Variants in GABRG3 observed in about 807,000 individuals in gnomAD.
GABRG3 encodes gamma-aminobutyric acid type A receptor subunit gamma3, also known as gamma-aminobutyric acid receptor subunit gamma-3.
A neutral mutation model predicts 48.8 loss-of-function variants in GABRG3; 25 were observed. The ratio of observed to expected loss-of-function variants is 0.51; its 90% CI spans 0.37 to 0.72. GABRG3 has a LOEUF of 0.72. Ranked by LOEUF, GABRG3 falls within the 30% of genes least tolerant of loss-of-function variation. The probability of loss-of-function intolerance (pLI) is 0.00; values close to 1 mark genes in which losing one functional copy is unlikely to be tolerated. For synonymous variants in GABRG3, 227 were observed against 217.6 expected, an observed-to-expected ratio of 1.04 and a Z score of -0.38; for missense variants, 394 against 577.9, an observed-to-expected ratio of 0.68 and a Z score of 3.26.
intron 3 of GABRG3, among the ~76,000 whole-genome samples, chr15:27,028,583 G>T (rs563842092): frequency 1.3e-5 from 2 of 152,212 alleles, no homozygotes; most frequent in African/African-American, 4.8e-5. Flanking sequence ...GAGGCAGGCA[G>T]ATCACAAGGT....
chr15:27,509,868 C>T (rs182086364), intron 6 of GABRG3, among the ~76,000 whole-genome samples: 191 of 152,256 alleles, frequency 1.3e-3, no homozygotes, highest in African/African-American at 4.0e-3. Flanking sequence ...AATTATTTTG[C>T]CTTTTCAGGC....
At chr15:27,213,865 C>G (rs903649065) in intron 3 of GABRG3, among the ~76,000 whole-genome samples, 1 of 152,102 alleles carries the variant, frequency 6.6e-6, no homozygotes, top group Non-Finnish European at 1.5e-5. Context: ...CAGGCAGGAA[C>G]GTGGAGCAGG....
Position 27,172,641 on chromosome 15 carries a change from TC to T in GABRG3, c.270+145822del, listed in dbSNP as rs369214083. Among the ~76,000 whole-genome samples, 44 of 152,252 alleles carry T rather than the reference TC, an allele frequency of 2.9e-4. 1 individual carries two copies. Among genetic ancestry groups the T allele is most frequent in the African/African-American group, 1.0e-3 (43 of 41,548 alleles). Reference sequence around the variant, plus strand: ...TGCAGGAAAAGACCTGGTCATCGCCTCCTGCAGTGTCCAGGTAGTTAATACA... The same window carrying T: ...TGCAGGAAAAGACCTGGTCATCGCCTCTGCAGTGTCCAGGTAGTTAATACA... On this transcript the variant is annotated intron_variant, in intron 3 of 9. Transcript: ENST00000615808.
chr15:27,201,452 A>G (rs1273317675), intron 3 of GABRG3, among the ~76,000 whole-genome samples: 1 of 151,528 alleles, frequency 6.6e-6, no homozygotes, highest in Admixed American at 6.6e-5. Context: ...AGAGGGAGAA[A>G]GAGAAGGAAA....
intron 3 of GABRG3, among the ~76,000 whole-genome samples, chr15:27,299,535 C>T (rs966346310): frequency 6.6e-6 from 1 of 152,108 alleles, no homozygotes; most frequent in Admixed American, 6.6e-5. Context: ...TAATGTAAGC[C>T]CTCTAGTTCT....
At chr15:27,013,087 C>G (rs1895718979) in intron 2 of GABRG3, among the ~76,000 whole-genome samples, 1 of 152,102 alleles carries the variant, frequency 6.6e-6, no homozygotes, top group African/African-American at 2.4e-5. Context: ...TTAGGCTTAT[C>G]AGCTGTAATG....
At chr15:27,388,118 A>AAGGAAGGAAAGGAGAG (rs1896026805) in intron 5 of GABRG3, among the ~76,000 whole-genome samples, 1 of 88,122 alleles carries the variant, frequency 1.1e-5, no homozygotes, top group Non-Finnish European at 2.1e-5. Flanking sequence ...GAAAAGAAGG[A>AAGGAAGGAAAGGAGAG]AGGAAGGAAA....
rs1595818221 is a variant in GABRG3 at position 27,536,314 on chromosome 15, G to A, written c.*3433G>A. 6.6e-6 allele frequency: 1 copy of A among 152,158 alleles called. No homozygotes were observed. The highest frequency in any genetic ancestry group is 6.5e-5 in the Admixed American group (1 of 15,290). The allele number at this position is 152,158 out of a possible 1,614,324, so 9.4% of individuals were successfully genotyped here. A position where few individuals can be genotyped will look rare whatever the true frequency, so the allele number is the denominator to read the frequency against. On this transcript the variant is annotated 3_prime_UTR_variant, in exon 10 of 10. Transcript: ENST00000615808. ...TACATACCAGACAGAGAAGGACAAA[G>A]TTAGTATAATTTACTCTGGACCCAG...
At chr15:27,145,609 CTATCTA>C in intron 3 of GABRG3, among the ~76,000 whole-genome samples, 1 of 123,444 alleles carries the variant, frequency 8.1e-6, no homozygotes, top group East Asian at 2.1e-4. Flanking sequence ...CTATCTCTAT[CTATCTA>C]TCTATCTATC....
chr15:27,514,461 C>G (rs946512366), intron 6 of GABRG3, among the ~76,000 whole-genome samples: 6 of 152,198 alleles, frequency 3.9e-5, no homozygotes, highest in African/African-American at 1.4e-4. Context: ...AGGACAGTCT[C>G]TCTCTTCATG....
At chr15:27,269,261 A>T (rs1891009940) in intron 3 of GABRG3, among the ~76,000 whole-genome samples, 1 of 152,118 alleles carries the variant, frequency 6.6e-6, no homozygotes, top group African/African-American at 2.4e-5. Context: ...CACAACTTTA[A>T]TTTGTAACCA....
At chr15:27,403,843 C>T (rs1209920262) in intron 5 of GABRG3, among the ~76,000 whole-genome samples, 1 of 141,896 alleles carries the variant, frequency 7.0e-6, no homozygotes, top group Non-Finnish European at 1.5e-5. Flanking sequence ...ACCCAGGAGG[C>T]AGAGGTTGCA....
At chr15:27,515,795 G>A (rs574425042) in intron 6 of GABRG3, among the ~76,000 whole-genome samples, 14 of 152,298 alleles carry the variant, frequency 9.2e-5, no homozygotes, top group Admixed American at 1.3e-4. Flanking sequence ...CACCTAGTCC[G>A]TAGAGGAGTT....
intron 3 of GABRG3, among the ~76,000 whole-genome samples, chr15:27,087,465 G>A (rs1897096177): frequency 6.6e-6 from 1 of 152,238 alleles, no homozygotes; most frequent in Non-Finnish European, 1.5e-5. Context: ...CACTCACAGA[G>A]CTGACACTTG....
chr15:27,466,024 T>C (rs1314138465), intron 5 of GABRG3, among the ~76,000 whole-genome samples: 2 of 152,178 alleles, frequency 1.3e-5, no homozygotes, highest in African/African-American at 4.8e-5. Context: ...TTGGTTAATA[T>C]CTAGAAACCT....
In GABRG3 at chr15:27,027,149, GC is replaced by G. The variant is rs369489955; in HGVS notation, c.270+329del. The G allele has an allele frequency of 1.1e-4, 24 of 217,670 alleles. No homozygotes were observed. In the East Asian group the frequency reaches 1.5e-3, roughly 14 times the overall value. The allele number at this position is 217,670 out of a possible 1,614,324, so 13.5% of individuals were successfully genotyped here. On this transcript the variant is annotated intron_variant, in intron 3 of 9. Coordinates refer to ENST00000615808, the MANE Select transcript of GABRG3 (RefSeq NM_033223.5). ...CTTTGAGAGTAAATAAACTGCCTCT[GC>G]TTTTTAGTATGGGATCAAATATGTG...
intron 3 of GABRG3, among the ~76,000 whole-genome samples, chr15:27,116,181 C>G (rs1897638454): frequency 6.6e-6 from 1 of 152,272 alleles, no homozygotes; most frequent in East Asian, 1.9e-4. Flanking sequence ...GTGGTGAGTT[C>G]TGGCTAAACT....
At position 26,974,292 on chromosome 15, in the gene GABRG3, T is replaced by A. The variant is rs1894897229; in HGVS notation, c.53+2704T>A. Among the ~76,000 whole-genome samples the A allele has an allele frequency of 6.6e-6, 1 of 152,160 alleles. No individual in the cohort carries two copies. ...CTCTAAGGAGGAAGCGCTTGCAATT[T>A]CAGGAAAACCCTCTCATCACCACTA... On this transcript the variant is annotated intron_variant, in intron 1 of 9. Coordinates refer to ENST00000615808, the MANE Select transcript of GABRG3 (RefSeq NM_033223.5). The surrounding 1 kb of genome is among the most constrained non-coding windows in gnomAD (Gnocchi z 4.3).
intron 5 of GABRG3, among the ~76,000 whole-genome samples, chr15:27,445,818 A>G (rs1464426771): frequency 6.6e-6 from 1 of 152,138 alleles, no homozygotes. Context: ...TCATATTTGC[A>G]TATGGTGAGA....
Sources: gnomAD v4.1 joint callset for allele counts (sites outside exome capture counted in the v4.1 genomes callset) on GRCh38, gnomAD v4.1.1 for gene constraint, Gnocchi (gnomAD v3.1) non-coding constraint, MANE v1.5 for transcripts, NCBI Gene and HGNC (gene_info 2026-07-23, HGNC 2026-07-21) for gene names.